SYTL2: variants seen among roughly 807,000 people sequenced by gnomAD.
The protein encoded by SYTL2 is synaptotagmin like 2.
In SYTL2, 165 loss-of-function variants were observed where a neutral mutation model predicts 198.7. The observed-to-expected ratio is 0.83, with a 90% CI of 0.73 to 0.94. The LOEUF is 0.94. Ranked by LOEUF, SYTL2 falls within the 40% of genes least tolerant of loss-of-function variation. The pLI is 0.00. For synonymous variants in SYTL2, 966 were observed against 917.7 expected, an observed-to-expected ratio of 1.05 and a Z score of -0.95; for missense variants, 2,835 against 2,582.8, an observed-to-expected ratio of 1.10 and a Z score of -2.12.
chr11:85,713,776 G>A (rs2086710730), intron 12 of SYTL2, among the ~76,000 whole-genome samples: 1 of 152,174 alleles, frequency 6.6e-6, no homozygotes, highest in African/African-American at 2.4e-5. Flanking sequence ...GTAAATTATA[G>A]TCATGTGCTT....
At position 85,734,154 on chromosome 11, in the gene SYTL2, A is replaced by T. The variant is rs1354992289; in HGVS notation, c.1175T>A (p.Leu392His). The T allele has an allele frequency of 6.2e-7, 1 of 1,614,222 alleles. No individual in the cohort carries two copies. The highest frequency in any genetic ancestry group is 1.1e-5 in the South Asian group (1 of 91,086). ...PKPSQYRKPS[L>H]FHQSTSSPYV... is the part of the protein sequence containing the mutation. ...TGGGCTTGAGGTTGATTGATGAAAA[A>T]GCGAAGGCTTTCTGTATTGAGAAGG... The change falls in exon 7 of 20, where the codon CTT becomes CAT. Residue 392 changes from leucine to histidine, a missense_variant. Leu to His is a moderately conservative substitution (Grantham distance 99, BLOSUM62 -3). Coordinates refer to ENST00000359152, the MANE Select transcript of SYTL2 (RefSeq NM_206927.4).
At chr11:85,833,446 A>G in the SYTL2 span, among the ~76,000 whole-genome samples, 3 of 149,184 alleles carry the variant, frequency 2.0e-5, no homozygotes, top group African/African-American at 4.9e-5. Context: ...GATTATATAT[A>G]TGATATGTAT....
intron 10 of SYTL2, chr11:85,718,505 A>C (rs1241232186): frequency 2.7e-6 from 1 of 375,386 alleles, no homozygotes; most frequent in African/African-American, 2.1e-5. Context: ...GAGTAGCAAA[A>C]ATCAGCTCAC....
At chr11:85,850,364 A>T in the SYTL2 span, among the ~76,000 whole-genome samples, 359 of 152,282 alleles carry the variant, frequency 2.4e-3, 2 homozygotes, top group African/African-American at 7.9e-3. Flanking sequence ...AAGCGGGCAA[A>T]GGACATCAAC....
Position 85,727,207 on chromosome 11 carries a change from T to C in SYTL2, c.2151A>G (p.Ser717=). ...RGHSEVNFDS[S]TVVKEPGLKD... ...TCAAACCTGGTTCTTTGACAACTGT[T>C]GAAGAGTCAAAATTCACTTCTGAGT... Residue 717 remains serine (S), a synonymous_variant, in exon 8 of 20, where the codon TCA becomes TCG. Coordinates refer to ENST00000359152, the MANE Select transcript of SYTL2 (RefSeq NM_206927.4). The C allele has an allele frequency of 6.5e-7, 1 of 1,536,462 alleles. No homozygotes were observed. Among genetic ancestry groups the C allele is most frequent in the Non-Finnish European group, 8.7e-7 (1 of 1,146,988 alleles).
At chr11:85,793,990 C>A (rs2092767802) in intron 1 of SYTL2, among the ~76,000 whole-genome samples, 1 of 152,122 alleles carries the variant, frequency 6.6e-6, no homozygotes, top group Non-Finnish European at 1.5e-5. Flanking sequence ...GAAAAGAGCA[C>A]ACAATCCCTC....
intron 2 of SYTL2, among the ~76,000 whole-genome samples, chr11:85,752,634 A>C: frequency 6.6e-6 from 1 of 152,078 alleles, no homozygotes; most frequent in East Asian, 1.9e-4. Flanking sequence ...CACATCGTAG[A>C]TCTCTGCAGT....
chr11:85,729,964 C>A (rs2089625987), intron 7 of SYTL2, among the ~76,000 whole-genome samples: 1 of 152,200 alleles, frequency 6.6e-6, no homozygotes, highest in African/African-American at 2.4e-5. Context: ...ACTATAAACA[C>A]TTCTATGCAA....
intron 7 of SYTL2, among the ~76,000 whole-genome samples, chr11:85,728,475 C>T (rs186742777): frequency 7.2e-5 from 11 of 151,964 alleles, no homozygotes; most frequent in East Asian, 1.9e-4. Context: ...TTAGTAGAGA[C>T]GGGGTTTCAC....
chr11:85,721,681 A>C (rs190110701), intron 8 of SYTL2, among the ~76,000 whole-genome samples: 6 of 152,302 alleles, frequency 3.9e-5, no homozygotes, highest in Admixed American at 1.3e-4. Flanking sequence ...TATTTGCTGA[A>C]TCAATGAGTG....
chr11:85,727,184 A>C lies in SYTL2; in HGVS notation c.2174T>G (p.Leu725Trp). 3 of 1,536,472 alleles carry C rather than the reference A, an allele frequency of 2.0e-6. No individual in the cohort carries two copies. Among genetic ancestry groups the C allele is most frequent in the Non-Finnish European group, 1.7e-6 (2 of 1,146,968 alleles). Residue 725 changes from leucine (L) to tryptophan (W), a missense_variant, in exon 8 of 20, where the codon TTG (leucine) becomes TGG (tryptophan). Around this residue, in one of 3 missense-constraint regions of SYTL2, gnomAD observed 2,645 missense variants for 2,381.7 expected, o/e 1.11. Transcript: ENST00000359152. ...TCTCTCTGCATTCATGTTATCTTTCAAACCTGGTTCTTTGACAACTGTTGA... is the reference window on the plus strand; with the variant it reads ...TCTCTCTGCATTCATGTTATCTTTCCAACCTGGTTCTTTGACAACTGTTGA... ...DSSTVVKEPG[L>W]KDNMNAERKS...
At chr11:85,722,804 CT>C (rs1041547198) in intron 8 of SYTL2, among the ~76,000 whole-genome samples, 4 of 151,650 alleles carry the variant, frequency 2.6e-5, no homozygotes, top group African/African-American at 9.7e-5. Flanking sequence ...CAATTTCTTT[CT>C]TTTTTTTATT....
chr11:85,752,123 C>T (rs772102853), intron 2 of SYTL2, among the ~76,000 whole-genome samples: 2 of 152,162 alleles, frequency 1.3e-5, no homozygotes, highest in Non-Finnish European at 2.9e-5. Context: ...AGGCAAAGCT[C>T]GAACATCACC....
Position 85,734,531 on chromosome 11 carries a change from C to T in SYTL2, c.798G>A (p.Ala266=), listed in dbSNP as rs764278452. The change falls in exon 7 of 20, where the codon GCG becomes GCA. Residue 266 remains alanine, a synonymous_variant. Transcript: ENST00000359152. ...FPRQRTDSLK[A]RGAPRGILKR... is the part of the protein sequence containing the mutation. The stretch of plus-strand genomic sequence containing the variant: ...TGAGGATCCCTCTCGGAGCCCCTCT[C>T]GCTTTCAGGGAGTCTGTCCTTTGTC... The T allele has an allele frequency of 2.4e-5, 39 of 1,614,104 alleles. No individual in the cohort carries two copies. In the Admixed American group the frequency reaches 5.3e-4, roughly 22 times the overall value.
At chr11:85,818,849 C>A in the SYTL2 span, among the ~76,000 whole-genome samples, 8,507 of 152,166 alleles carry the variant, frequency 0.056, 384 homozygotes, top group East Asian at 0.11. Flanking sequence ...CACCACCATA[C>A]CCAGCTAATA....
chr11:85,789,346 A>ATATATATATATATATATATATATG (rs2092689652), intron 1 of SYTL2, among the ~76,000 whole-genome samples: 9 of 21,468 alleles, frequency 4.2e-4, no homozygotes, highest in South Asian at 2.2e-3. Context: ...GTGTGTATAT[A>ATATATATATATATATATATATATG]TATATATATA....
rs746616417 is a variant in SYTL2 at position 85,734,742 on chromosome 11, T to A, written c.587A>T (p.Asp196Val). 1.9e-6 allele frequency: 3 copies of A among 1,608,002 alleles called. No homozygotes were observed. Among genetic ancestry groups the A allele is most frequent in the Non-Finnish European group, 2.5e-6 (3 of 1,177,200 alleles). The change falls in exon 7 of 20, where the codon GAT becomes GTT. Residue 196 changes from aspartate (D) to valine (V), a missense_variant and splice_region_variant. Asp to Val is a radical substitution (Grantham distance 152, BLOSUM62 -3). Coordinates refer to ENST00000359152, the MANE Select transcript of SYTL2 (RefSeq NM_206927.4). ...CTTTTCTTTTGACTCTGACAATTCATCTGAAAATTAAAACACAGTAGGTGA... is the reference window on the plus strand; with the variant it reads ...CTTTTCTTTTGACTCTGACAATTCAACTGAAAATTAAAACACAGTAGGTGA... ...RTGLFQTSKE[D>V]ELSESKEKST...
In SYTL2 at chr11:85,704,858, C is replaced by A. The variant is rs910077238; in HGVS notation, c.6189G>T (p.Lys2063Asn). The change falls in exon 16 of 20, where the codon AAG becomes AAT. Residue 2063 changes from lysine (K) to asparagine (N), a missense_variant and splice_region_variant. By Grantham distance (94) the Lys-to-Asn change is moderately conservative (BLOSUM62 0). Around this residue, in one of 3 missense-constraint regions of SYTL2, gnomAD observed 2,645 missense variants for 2,381.7 expected, o/e 1.11. Transcript: ENST00000359152. ...AACAAACAAAAAATTCCGGACTCAC[C>A]TTCCGCTTCAGAGGGTACCATCTCA... ...KQLRWYPLKR[K>N]TAPVALEAEN... is the part of the protein sequence containing the mutation. 6.2e-7 allele frequency: 1 copy of A among 1,611,272 alleles called. No homozygotes were observed. The highest frequency in any genetic ancestry group is 1.3e-5 in the African/African-American group (1 of 74,866).
chr11:85,791,257 G>A (rs1280782127), intron 1 of SYTL2, among the ~76,000 whole-genome samples: 1 of 142,674 alleles, frequency 7.0e-6, no homozygotes, highest in Non-Finnish European at 1.5e-5. Flanking sequence ...CTCCCAGGAA[G>A]ACAATGATTT....
Sources: gnomAD v4.1 joint callset for allele counts (sites outside exome capture counted in the v4.1 genomes callset) on GRCh38, gnomAD v4.1.1 for gene constraint, gnomAD v4.1.1 regional missense constraint, MANE v1.5 for transcripts, NCBI Gene and HGNC (gene_info 2026-07-23, HGNC 2026-07-21) for gene names.